Variants in KIF16B observed in about 807,000 individuals in gnomAD.
KIF16B encodes the protein kinesin family member 16B.
In KIF16B, 98 loss-of-function variants were observed where a neutral mutation model predicts 156.3. The ratio of observed to expected loss-of-function variants is 0.63; its 90% CI spans 0.53 to 0.74. The LOEUF is 0.74. KIF16B is among the 30% of genes least tolerant of loss of function. The pLI is 0.00. For missense variants in KIF16B, 1,421 were observed against 1,606.5 expected (o/e 0.88, Z 1.97); for synonymous variants, 564 against 583.7 (o/e 0.97, Z 0.49).
At chr20:16,367,385 C>T (rs1345379743) in intron 22 of KIF16B, 1 of 1,612,884 alleles carries the variant, frequency 6.2e-7, no homozygotes, top group South Asian at 1.1e-5. Context: ...TCTGGAACAA[C>T]AACACACCTG....
At chr20:16,560,982 C>CT (rs558988322) in intron 1 of KIF16B, among the ~76,000 whole-genome samples, 226 of 151,992 alleles carry the variant, frequency 1.5e-3, no homozygotes, top group Middle Eastern at 6.8e-3. Flanking sequence ...TAACAATCAT[C>CT]TTTTTTTAAA....
intron 1 of KIF16B, among the ~76,000 whole-genome samples, chr20:16,559,400 T>C (rs1293611711): frequency 6.6e-6 from 1 of 152,218 alleles, no homozygotes; most frequent in Admixed American, 6.5e-5. Flanking sequence ...GTTATCAGCA[T>C]AGGCAAAGTT....
chr20:16,506,127 C>G lies in KIF16B; in HGVS notation c.763G>C (p.Gly255Arg), dbSNP rs767345387. 5 of 1,614,042 alleles carry G rather than the reference C, an allele frequency of 3.1e-6. No homozygotes were observed. Among genetic ancestry groups the G allele is most frequent in the Non-Finnish European group, 3.4e-6 (4 of 1,179,968 alleles). ...CCGGTGGCATCTGCACGCTCACTTC[C>G]GGCAAGATCAACCAAGTGGATCTTA... ...VSKIHLVDLA[G>R]SERADATGAT... Residue 255 changes from glycine (G) to arginine (R), a missense_variant, in exon 8 of 26, where the codon GGA becomes CGA. Gly to Arg is a moderately radical substitution (Grantham distance 125, BLOSUM62 -2). Coordinates refer to ENST00000354981, the MANE Select transcript of KIF16B (RefSeq NM_024704.5).
intron 12 of KIF16B, among the ~76,000 whole-genome samples, chr20:16,430,951 A>C (rs2066483013): frequency 6.8e-6 from 1 of 147,318 alleles, no homozygotes; most frequent in Non-Finnish European, 1.5e-5. Flanking sequence ...AAAAACAAAA[A>C]ACAAAACAAA....
At chr20:16,337,191 G>C (rs1404301904) in intron 23 of KIF16B, among the ~76,000 whole-genome samples, 1 of 152,144 alleles carries the variant, frequency 6.6e-6, no homozygotes, top group African/African-American at 2.4e-5. Flanking sequence ...CTTTGCACGG[G>C]CCATGCTCCT....
intron 17 of KIF16B, among the ~76,000 whole-genome samples, chr20:16,393,589 G>T (rs1268553979): frequency 6.6e-6 from 1 of 152,152 alleles, no homozygotes; most frequent in African/African-American, 2.4e-5. Flanking sequence ...ATTCAGTCAA[G>T]AATTATTCCC....
At chr20:16,451,629 GA>G (rs2067084066) in intron 12 of KIF16B, among the ~76,000 whole-genome samples, 1 of 151,840 alleles carries the variant, frequency 6.6e-6, no homozygotes, top group South Asian at 2.1e-4. Context: ...TGTAGACTTG[GA>G]AAACAGAAGT....
intron 10 of KIF16B, 92 bp from the exon 11 acceptor site, chr20:16,497,770 A>T (rs1358164355): frequency 4.1e-6 from 4 of 966,910 alleles, no homozygotes; most frequent in African/African-American, 1.6e-5. Flanking sequence ...AAAATTTCAC[A>T]GAAACTATTA....
intron 22 of KIF16B, among the ~76,000 whole-genome samples, chr20:16,365,009 AGTTT>A (rs1189986929): frequency 6.6e-6 from 1 of 152,208 alleles, no homozygotes; most frequent in African/African-American, 2.4e-5. Flanking sequence ...AATTATGTAC[AGTTT>A]ATTTATCACT....
intron 23 of KIF16B, 62 bp from the exon 24 acceptor site, chr20:16,336,077 A>T (rs2122959210): frequency 5.2e-6 from 5 of 961,770 alleles, no homozygotes; most frequent in Non-Finnish European, 6.3e-6. Context: ...AAAATTTTTC[A>T]AAAGAATTTA....
intron 12 of KIF16B, among the ~76,000 whole-genome samples, chr20:16,439,234 A>G (rs7268027): frequency 0.18 from 26,797 of 152,144 alleles, 2,525 homozygotes; most frequent in African/African-American, 0.24. Flanking sequence ...TGGTCCCAGT[A>G]ACCTTCACAG....
At chr20:16,530,214 G>T (rs560611354) in intron 1 of KIF16B, among the ~76,000 whole-genome samples, 1 of 152,250 alleles carries the variant, frequency 6.6e-6, no homozygotes, top group African/African-American at 2.4e-5. Context: ...GGCTGTGGCG[G>T]GCACCTTCTA....
At chr20:16,307,003 A>G (rs574213243) in intron 25 of KIF16B, among the ~76,000 whole-genome samples, 1 of 152,274 alleles carries the variant, frequency 6.6e-6, no homozygotes, top group Admixed American at 6.5e-5. Flanking sequence ...CAAGGTCCAC[A>G]CTCTTAGCTA....
At chr20:16,306,310 G>A (rs1014382246) in intron 25 of KIF16B, among the ~76,000 whole-genome samples, 27 of 152,040 alleles carry the variant, frequency 1.8e-4, no homozygotes, top group South Asian at 6.2e-4. Flanking sequence ...CAAGTCAGCC[G>A]GGGACTTCAC....
At chr20:16,298,275 C>T (rs2063420591) in intron 25 of KIF16B, among the ~76,000 whole-genome samples, 1 of 152,210 alleles carries the variant, frequency 6.6e-6, no homozygotes, top group Non-Finnish European at 1.5e-5. Flanking sequence ...CTGACCTTAA[C>T]AAAAGAAGTC....
chr20:16,526,312 T>C, intron 2 of KIF16B, 107 bp from the exon 3 acceptor site: 1 of 503,706 alleles, frequency 2.0e-6, no homozygotes, highest in South Asian at 5.0e-5. Flanking sequence ...TCCTGCTGGC[T>C]TCTCTAAAAA....
chr20:16,403,094 G>A (rs934395863), intron 17 of KIF16B, among the ~76,000 whole-genome samples: 3 of 152,144 alleles, frequency 2.0e-5, no homozygotes, highest in African/African-American at 7.2e-5. Flanking sequence ...TTAGCAAATG[G>A]CTTCACATTA....
chr20:16,367,793 C>G lies in KIF16B; in HGVS notation c.3498+2793G>C. On this transcript the variant is annotated intron_variant, in intron 22 of 25. Coordinates refer to ENST00000354981, the MANE Select transcript of KIF16B (RefSeq NM_024704.5). ...TTAGCGCAGGCAGCGGCATCAGGCT[C>G]TGGCATCAGGACACACAGGAGGTCA... 4 of 1,612,620 alleles carry G rather than the reference C, an allele frequency of 2.5e-6. No homozygotes were observed. In the East Asian group the frequency reaches 6.7e-5, roughly 27 times the overall value.
intron 10 of KIF16B, among the ~76,000 whole-genome samples, chr20:16,504,060 T>A (rs953326075): frequency 6.6e-5 from 10 of 152,226 alleles, no homozygotes; most frequent in African/African-American, 2.4e-4. Context: ...TCTAAGCATA[T>A]CAATTTCTTT....
Sources: allele counts gnomAD v4.1 joint callset (sites outside exome capture counted in the v4.1 genomes callset), GRCh38; gene constraint gnomAD v4.1.1; transcripts MANE v1.5; gene names NCBI Gene and HGNC (gene_info 2026-07-23, HGNC 2026-07-21).